Variants in PDGFC observed in about 807,000 individuals in gnomAD.
PDGFC encodes the protein platelet derived growth factor C.
Under a neutral mutation model 35.5 loss-of-function variants are expected in PDGFC, and 12 were observed. That is an observed-to-expected ratio of 0.34 (90% CI 0.22 to 0.55). PDGFC has a LOEUF of 0.55. Ranked by LOEUF, PDGFC falls within the 20% of genes least tolerant of loss-of-function variation. The pLI, the probability that PDGFC is intolerant of heterozygous loss-of-function variation, is 0.91. For missense variants in PDGFC, 322 were observed against 412.4 expected (o/e 0.78, Z 1.90); for synonymous variants, 159 against 148.8 (o/e 1.07, Z -0.50).
chr4:156,882,851 A>G (rs1389840991), intron 1 of PDGFC, among the ~76,000 whole-genome samples: 1 of 152,092 alleles, frequency 6.6e-6, no homozygotes, highest in African/African-American at 2.4e-5. Context: ...TTGGGAGGCC[A>G]AGGCAGGCAG....
intron 1 of PDGFC, among the ~76,000 whole-genome samples, chr4:156,932,926 C>T (rs1731587639): frequency 6.6e-6 from 1 of 151,788 alleles, no homozygotes; most frequent in Non-Finnish European, 1.5e-5. Flanking sequence ...CTAACACACA[C>T]ACACAAACAC....
At chr4:156,814,878 T>C (rs907638632) in intron 2 of PDGFC, among the ~76,000 whole-genome samples, 2 of 152,132 alleles carry the variant, frequency 1.3e-5, no homozygotes, top group African/African-American at 4.8e-5. Context: ...CACTGTCCTG[T>C]AAATAGGAGA....
At chr4:156,764,451 G>C (rs1334538942) in intron 5 of PDGFC, among the ~76,000 whole-genome samples, 1 of 152,182 alleles carries the variant, frequency 6.6e-6, no homozygotes, top group Non-Finnish European at 1.5e-5. Flanking sequence ...CAGAGGCTTA[G>C]ACAGAGTAAG....
intron 1 of PDGFC, among the ~76,000 whole-genome samples, chr4:156,858,301 A>G (rs1309050727): frequency 2.0e-5 from 3 of 152,098 alleles, no homozygotes; most frequent in South Asian, 4.1e-4. Context: ...GTTCTATACA[A>G]TGGGATATGA....
At chr4:156,814,621 A>G (rs1356953746) in intron 2 of PDGFC, among the ~76,000 whole-genome samples, 2 of 152,182 alleles carry the variant, frequency 1.3e-5, no homozygotes, top group African/African-American at 4.8e-5. Flanking sequence ...TCCTAAAGAG[A>G]AAAGAATATT....
intron 5 of PDGFC, among the ~76,000 whole-genome samples, chr4:156,765,238 G>A (rs1033078062): frequency 1.3e-5 from 2 of 152,138 alleles, no homozygotes; most frequent in African/African-American, 4.8e-5. Context: ...AATAGACTTG[G>A]AAAATGATCA....
At chr4:156,788,005 C>T (rs773578167) in intron 3 of PDGFC, among the ~76,000 whole-genome samples, 6 of 152,070 alleles carry the variant, frequency 3.9e-5, no homozygotes, top group Non-Finnish European at 5.9e-5. Context: ...TGGACAGTAG[C>T]ACTACAGAAC....
At position 156,865,186 on chromosome 4, in the gene PDGFC, G is replaced by GCACACA. The variant is rs34323245; in HGVS notation, c.119-14776_119-14771dup. On this transcript the variant is annotated intron_variant, in intron 1 of 5. Coordinates refer to ENST00000502773, the MANE Select transcript of PDGFC (RefSeq NM_016205.3). ...CACTTTAGGATTAGAAGATACATGT[G>GCACACA]CACACACACACACACACACACACAC... 4.8e-3 allele frequency among the ~76,000 whole-genome samples: 708 copies of GCACACA among 146,758 alleles called. 19 individuals carry two copies. In the East Asian group the frequency reaches 0.076, roughly 16 times the overall value.
At position 156,800,344 on chromosome 4, in the gene PDGFC, A is replaced by G. The variant is rs114295938; in HGVS notation, c.495+10493T>C. Among the ~76,000 whole-genome samples, 1,457 of 152,256 alleles carry G rather than the reference A, an allele frequency of 9.6e-3. 22 individuals carry two copies. Among genetic ancestry groups the G allele is most frequent in the African/African-American group, 0.033 (1,354 of 41,562 alleles). On this transcript the variant is annotated intron_variant, in intron 3 of 5. Transcript: ENST00000502773. ...GAAATATATAACACTAATCATACTTATCTTTTAGCTTTGTTCTAAGATTAT... is the reference window on the plus strand; with the variant it reads ...GAAATATATAACACTAATCATACTTGTCTTTTAGCTTTGTTCTAAGATTAT...
At chr4:156,921,627 T>C (rs1202876667) in intron 1 of PDGFC, among the ~76,000 whole-genome samples, 1 of 152,214 alleles carries the variant, frequency 6.6e-6, no homozygotes, top group African/African-American at 2.4e-5. Context: ...GTTTTCAGTA[T>C]GACACCTTTA....
chr4:156,872,121 A>G (rs1223705184), intron 1 of PDGFC, among the ~76,000 whole-genome samples: 1 of 152,210 alleles, frequency 6.6e-6, no homozygotes, highest in Non-Finnish European at 1.5e-5. Flanking sequence ...ATGGATTAAA[A>G]ATATCAGCTT....
At chr4:156,947,904 G>C (rs980779319) in intron 1 of PDGFC, among the ~76,000 whole-genome samples, 1 of 151,910 alleles carries the variant, frequency 6.6e-6, no homozygotes, top group African/African-American at 2.4e-5. Flanking sequence ...ACAGGTTCTG[G>C]TATGGTTGAC....
At chr4:156,946,354 A>G (rs1443884971) in intron 1 of PDGFC, among the ~76,000 whole-genome samples, 1 of 152,094 alleles carries the variant, frequency 6.6e-6, no homozygotes, top group Non-Finnish European at 1.5e-5. Flanking sequence ...TAACTTAGGA[A>G]AAGCAACCAA....
At chr4:156,842,615 G>T (rs1193468821) in intron 2 of PDGFC, among the ~76,000 whole-genome samples, 1 of 152,084 alleles carries the variant, frequency 6.6e-6, no homozygotes, top group Non-Finnish European at 1.5e-5. Context: ...AAAAAGGGAA[G>T]TTCAAATCTC....
intron 2 of PDGFC, chr4:156,842,320 A>G (rs2111058667): frequency 6.6e-6 from 1 of 152,272 alleles, no homozygotes; most frequent in Non-Finnish European, 1.5e-5. Context: ...CCGATAACAA[A>G]GAAAAAAGTA....
At chr4:156,855,490 T>C (rs1729552361) in intron 1 of PDGFC, among the ~76,000 whole-genome samples, 1 of 152,216 alleles carries the variant, frequency 6.6e-6, no homozygotes, top group Admixed American at 6.5e-5. Flanking sequence ...CTGTTTCATG[T>C]AGGCACGACT....
intron 1 of PDGFC, among the ~76,000 whole-genome samples, chr4:156,952,766 G>A (rs1029703414): frequency 6.6e-6 from 1 of 151,746 alleles, no homozygotes; most frequent in Admixed American, 6.6e-5. Context: ...TTACTAATCT[G>A]TACAGGATTT....
chr4:156,942,077 G>C (rs1052181943), intron 1 of PDGFC, among the ~76,000 whole-genome samples: 7 of 151,966 alleles, frequency 4.6e-5, no homozygotes, highest in Non-Finnish European at 8.8e-5. Flanking sequence ...ATACACTCTT[G>C]AGCACGTAGC....
chr4:156,857,703 G>T (rs969922544), intron 1 of PDGFC, among the ~76,000 whole-genome samples: 1 of 152,052 alleles, frequency 6.6e-6, no homozygotes, highest in African/African-American at 2.4e-5. Context: ...CTAGCCAGAA[G>T]TATTCCTAGA....
Sources: allele counts gnomAD v4.1 joint callset (sites outside exome capture counted in the v4.1 genomes callset), GRCh38; gene constraint gnomAD v4.1.1; transcripts MANE v1.5; gene names NCBI Gene and HGNC (gene_info 2026-07-23, HGNC 2026-07-21).